Variants in MSH3 observed in about 807,000 individuals in gnomAD.
MSH3 encodes the protein DNA mismatch repair protein Msh3.
A neutral mutation model predicts 123.3 loss-of-function variants in MSH3; 106 were observed. That is an observed-to-expected ratio of 0.86 (90% CI 0.73 to 1.01). MSH3 has a LOEUF of 1.01. Among genes scored for constraint, MSH3 ranks in the 50% least tolerant of loss-of-function variants. The probability of loss-of-function intolerance (pLI) is 0.00; values close to 1 mark genes in which losing one functional copy is unlikely to be tolerated. For synonymous variants in MSH3, 515 were observed against 481.4 expected (o/e 1.07, Z -0.91); for missense variants, 1,459 against 1,347.6 (o/e 1.08, Z -1.29).
intron 1 of MSH3, chr5:80,655,378 GTTT>G: frequency 8.6e-6 from 2 of 233,608 alleles, no homozygotes; most frequent in Non-Finnish European, 1.7e-5. Context: ...TAGGTCTCCA[GTTT>G]TTAAGACTGC....
At chr5:80,700,761 T>C (rs1241591469) in intron 8 of MSH3, among the ~76,000 whole-genome samples, 1 of 152,210 alleles carries the variant, frequency 6.6e-6, no homozygotes, top group Non-Finnish European at 1.5e-5. Context: ...TCCTCAGGAA[T>C]ATATCTCCTT....
chr5:80,786,174 A>T (rs565693266), intron 17 of MSH3, among the ~76,000 whole-genome samples: 146 of 149,030 alleles, frequency 9.8e-4, no homozygotes, highest in Middle Eastern at 3.4e-3. Flanking sequence ...AAAATAAATT[A>T]AAAAAAAGTA....
chr5:80,871,191 G>A (rs1746206949), intron 22 of MSH3, among the ~76,000 whole-genome samples: 1 of 152,184 alleles, frequency 6.6e-6, no homozygotes, highest in Non-Finnish European at 1.5e-5. Context: ...GCCCTGCAGA[G>A]AACTCTGAGG....
At chr5:80,818,422 AGG>A (rs1745144796) in intron 20 of MSH3, among the ~76,000 whole-genome samples, 1 of 146,768 alleles carries the variant, frequency 6.8e-6, no homozygotes, top group African/African-American at 2.5e-5. Flanking sequence ...AAAAAAAAAA[AGG>A]TGGGGGAGAG....
chr5:80,841,307 A>T (rs967479295), intron 20 of MSH3, among the ~76,000 whole-genome samples: 1 of 152,134 alleles, frequency 6.6e-6, no homozygotes, highest in Admixed American at 6.5e-5. Flanking sequence ...TCTATCATTG[A>T]TGGACATTTG....
At chr5:80,813,014 A>G (rs1371714292) in intron 19 of MSH3, among the ~76,000 whole-genome samples, 1 of 152,248 alleles carries the variant, frequency 6.6e-6, no homozygotes, top group Admixed American at 6.5e-5. Context: ...ATTGATCAGT[A>G]CAGATAAGTC....
At chr5:80,741,698 A>G in intron 11 of MSH3, 150 bp downstream of exon 11, 1 of 687,548 alleles carries the variant, frequency 1.5e-6, no homozygotes, top group South Asian at 1.7e-5. Context: ...TTTTTGGAGA[A>G]TGAACTGTAC....
At chr5:80,762,820 GTTATGTTATGTTATT>G (rs1463977638) in intron 13 of MSH3, among the ~76,000 whole-genome samples, 6 of 147,828 alleles carry the variant, frequency 4.1e-5, no homozygotes, top group African/African-American at 1.5e-4. Flanking sequence ...GTTATGTTAT[GTTATGTTATGTTATT>G]TTATGTTATT....
At position 80,813,746 on chromosome 5, in the gene MSH3, G is replaced by A; in HGVS notation, c.2813+5G>A. 1 of 1,614,094 alleles carries A rather than the reference G, an allele frequency of 6.2e-7. No homozygotes were observed. The highest frequency in any genetic ancestry group is 1.1e-5 in the South Asian group (1 of 91,082). On this transcript the variant is annotated splice_donor_5th_base_variant and intron_variant, in intron 20 of 23. Transcript: ENST00000265081. ...TGTGGATGGCATTTTCACAAGGTAA[G>A]TACGTTAATTCAGCTTGCATATATT...
intron 2 of MSH3, among the ~76,000 whole-genome samples, chr5:80,660,193 CT>C (rs1231976014): frequency 1.2e-3 from 164 of 140,954 alleles, no homozygotes; most frequent in African/African-American, 1.9e-3. Flanking sequence ...AAAGGCACTT[CT>C]TTTTTTTTTT....
At chr5:80,662,893 G>A (rs2112807230) in intron 2 of MSH3, among the ~76,000 whole-genome samples, 1 of 152,210 alleles carries the variant, frequency 6.6e-6, no homozygotes, top group South Asian at 2.1e-4. Context: ...AGACCAGGTG[G>A]TCTTTGGTAT....
chr5:80,873,225 A>C lies in MSH3; in HGVS notation c.3240A>C (p.Gly1080=), dbSNP rs766543424. Residue 1080 remains glycine (G), a synonymous_variant, in exon 23 of 24, where the codon GGA becomes GGC. Transcript: ENST00000265081. The stretch of plus-strand genomic sequence containing the variant: ...TGGCTAAACTAGCAGATGTTCCTGG[A>C]GAAATTTTGAAGAAAGCAGCTCACA... The part of the protein sequence containing the change: ...LNVAKLADVP[G]EILKKAAHKS... 1 of 1,614,034 alleles carries C rather than the reference A, an allele frequency of 6.2e-7. No individual in the cohort carries two copies. The highest frequency in any genetic ancestry group is 8.5e-7 in the Non-Finnish European group (1 of 1,179,950).
chr5:80,830,372 A>C (rs1745396516), intron 20 of MSH3, among the ~76,000 whole-genome samples: 1 of 152,186 alleles, frequency 6.6e-6, no homozygotes, highest in Admixed American at 6.5e-5. Context: ...CATTGTTTGC[A>C]TTTTAATTTC....
chr5:80,768,018 C>T lies in MSH3; in HGVS notation c.1982C>T (p.Ser661Phe), dbSNP rs1267678112. 7 of 1,613,442 alleles carry T rather than the reference C, an allele frequency of 4.3e-6. No homozygotes were observed. In the African/African-American group the frequency reaches 6.7e-5, roughly 15 times the overall value. Residue 661 changes from serine (S) to phenylalanine (F), a missense_variant, in exon 14 of 24, where the codon TCC becomes TTC. Ser to Phe is a radical substitution (Grantham distance 155). Transcript: ENST00000265081. ...CAAGCAATAATACCTGCTGTTAATT[C>T]CCACATTCAGTCAGACTTGCTCCGG... is the stretch of plus-strand genomic sequence containing the variant. ...EFQAIIPAVN[S>F]HIQSDLLRTV...
intron 12 of MSH3, among the ~76,000 whole-genome samples, chr5:80,755,407 A>T (rs1328693837): frequency 6.6e-6 from 1 of 152,216 alleles, no homozygotes; most frequent in Admixed American, 6.6e-5. Context: ...AATGAGGAGA[A>T]GGAAATAAAT....
intron 19 of MSH3, among the ~76,000 whole-genome samples, chr5:80,804,350 C>G (rs1436367462): frequency 6.6e-6 from 1 of 152,196 alleles, no homozygotes; most frequent in African/African-American, 2.4e-5. Flanking sequence ...ACCCAGTGAG[C>G]ATTGAAGAAT....
At position 80,665,346 on chromosome 5, in the gene MSH3, C is replaced by T. The variant is rs147289289; in HGVS notation, c.562C>T (p.Arg188Cys). Residue 188 changes from arginine to cysteine, a missense_variant, in exon 3 of 24, where the codon CGT becomes TGT. Coordinates refer to ENST00000265081, the MANE Select transcript of MSH3 (RefSeq NM_002439.5). ...KNAVSSEDSK[R>C]QINQKDTTLF... is the part of the protein sequence containing the mutation. ...TGCAGTTTCTTCTGAAGATTCGAAACGTCAAATTAATCAAAAGGTATGTAA... is the reference window on the plus strand; with the variant it reads ...TGCAGTTTCTTCTGAAGATTCGAAATGTCAAATTAATCAAAAGGTATGTAA... 311 of 1,611,948 alleles carry T rather than the reference C, an allele frequency of 1.9e-4. No homozygotes were observed. The highest frequency in any genetic ancestry group is 2.2e-4 in the Non-Finnish European group (257 of 1,179,484).
Position 80,873,189 on chromosome 5 carries a change from T to C in MSH3, c.3204T>C (p.Tyr1068=), listed in dbSNP as rs2112128739. 1 of 1,613,892 alleles carries C rather than the reference T, an allele frequency of 6.2e-7. No homozygotes were observed. The highest frequency in any genetic ancestry group is 8.5e-7 in the Non-Finnish European group (1 of 1,179,824). ...CTAGAGGAATTGCAGCAAGGAGTTA[T>C]GGATTAAATGTGGCTAAACTAGCAG... The part of the protein sequence containing the change: ...QITRGIAARS[Y]GLNVAKLADV... The change falls in exon 23 of 24, where the codon TAT becomes TAC. Residue 1068 remains tyrosine, a synonymous_variant. Coordinates refer to ENST00000265081, the MANE Select transcript of MSH3 (RefSeq NM_002439.5).
rs976940687 is a variant in MSH3 at position 80,761,671 on chromosome 5, AC to A, written c.1890del (p.His630GlnfsTer11). The A allele has an allele frequency of 3.1e-6, 5 of 1,614,008 alleles. No homozygotes were observed. Among genetic ancestry groups the A allele is most frequent in the Non-Finnish European group, 4.2e-6 (5 of 1,180,010 alleles). Reference sequence around the variant, plus strand: ...GAGAGGGGACTCTGTAGCATTTATCACAAAAAAGTAAGTGTGATAGAAATCT... The same window carrying A: ...GAGAGGGGACTCTGTAGCATTTATCAAAAAAAGTAAGTGTGATAGAAATCT... ...DIERGLCSIY[H>X]KKCSTQEFFL... On this transcript the variant is annotated frameshift_variant, in exon 13 of 24. Transcript: ENST00000265081. LOFTEE classifies it high-confidence loss of function.
Sources: allele counts gnomAD v4.1 joint callset (sites outside exome capture counted in the v4.1 genomes callset), GRCh38; gene constraint gnomAD v4.1.1; transcripts MANE v1.5; gene names NCBI Gene and HGNC (gene_info 2026-07-23, HGNC 2026-07-21).